Variants in RAP1GDS1 observed in about 807,000 individuals in gnomAD.
RAP1GDS1 encodes RAP1, GTP-GDP dissociation stimulator 1.
Under a neutral mutation model 71.1 loss-of-function variants are expected in RAP1GDS1, and 35 were observed. The ratio of observed to expected loss-of-function variants is 0.49; its 90% CI spans 0.38 to 0.65. The LOEUF (loss-of-function observed/expected upper bound fraction) is 0.65. RAP1GDS1 is among the 30% of genes least tolerant of loss of function. RAP1GDS1 has a pLI of 0.00. For missense variants in RAP1GDS1, 663 were observed against 706.1 expected (o/e 0.94, Z 0.69); for synonymous variants, 229 against 243.1 (o/e 0.94, Z 0.54).
chr4:98,328,361 AG>A (rs1733454340), intron 2 of RAP1GDS1, among the ~76,000 whole-genome samples: 1 of 152,266 alleles, frequency 6.6e-6, no homozygotes, highest in Non-Finnish European at 1.5e-5. Flanking sequence ...ATTATATAAA[AG>A]TCTTGTTCCA....
intron 2 of RAP1GDS1, among the ~76,000 whole-genome samples, chr4:98,322,334 C>T (rs1387299804): frequency 1.1e-5 from 1 of 88,778 alleles, no homozygotes; most frequent in Non-Finnish European, 2.2e-5. Flanking sequence ...GACTTTAACA[C>T]CCCACTGTCA....
At chr4:98,435,486 A>T (rs1290970485) in intron 13 of RAP1GDS1, among the ~76,000 whole-genome samples, 2 of 152,180 alleles carry the variant, frequency 1.3e-5, no homozygotes, top group Non-Finnish European at 2.9e-5. Flanking sequence ...ATTAAGTAGA[A>T]GTGGATTATC....
intron 12 of RAP1GDS1, among the ~76,000 whole-genome samples, chr4:98,421,623 C>T (rs1471214775): frequency 6.6e-6 from 1 of 152,084 alleles, no homozygotes; most frequent in Admixed American, 6.5e-5. Context: ...TTACCACCAC[C>T]GTTATCAGCA....
intron 5 of RAP1GDS1, among the ~76,000 whole-genome samples, chr4:98,390,134 GC>G (rs1743383773): frequency 6.6e-6 from 1 of 152,110 alleles, no homozygotes; most frequent in African/African-American, 2.4e-5. Context: ...CTAGTAAAGA[GC>G]CCTATCTACT....
chr4:98,372,749 A>G (rs148321934), intron 4 of RAP1GDS1, among the ~76,000 whole-genome samples: 191 of 152,214 alleles, frequency 1.3e-3, no homozygotes, highest in African/African-American at 3.4e-3. Flanking sequence ...TAGTAGTGCA[A>G]TCATGGCTCA....
rs543199019 is a variant in RAP1GDS1 at position 98,443,015 on chromosome 4, A to ATTTTTTTTTCTTTTTTTTTTCTT, written c.*907_*908insCTTTTTTTTTTCTTTTTTTTTTT. The ATTTTTTTTTCTTTTTTTTTTCTT allele has an allele frequency of 3.8e-5, 5 of 130,752 alleles. No homozygotes were observed. The highest frequency in any genetic ancestry group is 2.0e-4 in the African/African-American group (5 of 25,006). 8.1% of individuals were successfully genotyped at this position (130,752 alleles called of 1,614,324 possible). On this transcript the variant is annotated 3_prime_UTR_variant, in exon 15 of 15. Coordinates refer to ENST00000408927, the MANE Select transcript of RAP1GDS1 (RefSeq NM_001100427.2). The stretch of plus-strand genomic sequence containing the variant: ...TGAGTATAGTTCATTGAAGAATGGA[A>ATTTTTTTTTCTTTTTTTTTTCTT]TTTTTTTTTTTTTTTTTTTTTTTGC...
At chr4:98,360,919 G>C (rs534657607) in intron 4 of RAP1GDS1, among the ~76,000 whole-genome samples, 38 of 151,680 alleles carry the variant, frequency 2.5e-4, no homozygotes, top group Middle Eastern at 6.8e-3. Context: ...TTTTTAAAAA[G>C]AAAACAAAAC....
rs147950727 is a variant in RAP1GDS1 at position 98,334,247 on chromosome 4, G to A, written c.113-8892G>A. On this transcript the variant is annotated intron_variant, in intron 2 of 14. Transcript: ENST00000408927. The stretch of plus-strand genomic sequence containing the variant: ...TGTGCATGTGCATAAACACACCTAA[G>A]CATATATACATACACACAAAAATTT... Among the ~76,000 whole-genome samples the A allele has an allele frequency of 4.2e-3, 646 of 152,068 alleles. 4 individuals carry two copies. The highest frequency in any genetic ancestry group is 0.015 in the African/African-American group (606 of 41,496).
At chr4:98,312,255 T>A (rs1475494700) in intron 2 of RAP1GDS1, among the ~76,000 whole-genome samples, 1 of 152,206 alleles carries the variant, frequency 6.6e-6, no homozygotes, top group Non-Finnish European at 1.5e-5. Flanking sequence ...TGTTTCATCC[T>A]TACCAAATAG....
At chr4:98,360,467 G>T (rs1046622018) in intron 4 of RAP1GDS1, among the ~76,000 whole-genome samples, 4 of 151,820 alleles carry the variant, frequency 2.6e-5, no homozygotes, top group African/African-American at 9.7e-5. Flanking sequence ...GCCTACTTGG[G>T]GGTTTAAAAA....
chr4:98,350,068 T>C (rs1736935837), intron 3 of RAP1GDS1, among the ~76,000 whole-genome samples: 2 of 152,228 alleles, frequency 1.3e-5, no homozygotes, highest in South Asian at 4.1e-4. Flanking sequence ...CCAAAGAGTT[T>C]TGATTCCACA....
intron 2 of RAP1GDS1, among the ~76,000 whole-genome samples, chr4:98,342,581 T>C (rs1242351793): frequency 6.6e-6 from 1 of 152,132 alleles, no homozygotes; most frequent in Non-Finnish European, 1.5e-5. Flanking sequence ...GTTTTTGCAG[T>C]GTACTATTTC....
chr4:98,371,526 G>C (rs1740383791), intron 4 of RAP1GDS1, among the ~76,000 whole-genome samples: 2 of 151,944 alleles, frequency 1.3e-5, no homozygotes, highest in Admixed American at 6.6e-5. Flanking sequence ...GCCCAGGCTG[G>C]AGTGCAGTGG....
chr4:98,348,810 G>A (rs1387152208), intron 3 of RAP1GDS1, among the ~76,000 whole-genome samples: 1 of 152,040 alleles, frequency 6.6e-6, no homozygotes, highest in African/African-American at 2.4e-5. Flanking sequence ...TTTTTGATGG[G>A]GTTGTTTGTT....
intron 2 of RAP1GDS1, among the ~76,000 whole-genome samples, chr4:98,296,548 A>G (rs970130724): frequency 6.6e-6 from 1 of 152,154 alleles, no homozygotes; most frequent in Non-Finnish European, 1.5e-5. Flanking sequence ...ATATAAAGTC[A>G]TTCATTCACT....
At position 98,379,064 on chromosome 4, in the gene RAP1GDS1, A is replaced by G; in HGVS notation, c.409A>G (p.Ile137Val). 1 of 1,609,240 alleles carries G rather than the reference A, an allele frequency of 6.2e-7. No individual in the cohort carries two copies. Reference protein sequence around the residue: ...VDQAGGAQIVIDHLRSLCSIT... With the variant: ...VDQAGGAQIVVDHLRSLCSIT... ...CCAAGCAGGTGGTGCACAGATTGTA[A>G]TTGACCATTTAAGGTCACTGTGCAG... The change falls in exon 5 of 15, where the codon ATT (isoleucine) becomes GTT (valine). Residue 137 changes from isoleucine (I) to valine (V), a missense_variant. Transcript: ENST00000408927.
rs1301764843 is a variant in RAP1GDS1 at position 98,420,144 on chromosome 4, G to C, written c.1300G>C (p.Ala434Pro). The C allele has an allele frequency of 6.6e-7, 1 of 1,516,976 alleles. No homozygotes were observed. Among genetic ancestry groups the C allele is most frequent in the Non-Finnish European group, 8.9e-7 (1 of 1,129,486 alleles). 94.0% of individuals were successfully genotyped at this position (1,516,976 alleles called of 1,614,324 possible). The change falls in exon 11 of 15, where the codon GCA becomes CCA. Residue 434 changes from alanine to proline, a missense_variant and splice_region_variant. Transcript: ENST00000408927. ...ATTAAGAATGTTAATAGATGCACAA[G>C]GTAAAAGAAATGTTTTCCCCAACTT... Reference protein sequence around the residue: ...GTLRMLIDAQAEAAEQLGKNV... With the variant: ...GTLRMLIDAQPEAAEQLGKNV...
At chr4:98,310,578 G>A (rs1389672292) in intron 2 of RAP1GDS1, among the ~76,000 whole-genome samples, 1 of 152,126 alleles carries the variant, frequency 6.6e-6, no homozygotes, top group Non-Finnish European at 1.5e-5. Flanking sequence ...TGTTTTAGAA[G>A]ACACCAGAAG....
intron 2 of RAP1GDS1, among the ~76,000 whole-genome samples, chr4:98,342,827 T>C (rs531626418): frequency 2.6e-5 from 4 of 152,294 alleles, no homozygotes; most frequent in African/African-American, 9.6e-5. Context: ...ATATTCTGAA[T>C]AGACAGGGTT....
Sources: allele counts gnomAD v4.1 joint callset (sites outside exome capture counted in the v4.1 genomes callset), GRCh38; gene constraint gnomAD v4.1.1; transcripts MANE v1.5; gene names NCBI Gene and HGNC (gene_info 2026-07-23, HGNC 2026-07-21).